The following OPA1 variants were observed in gnomAD, a reference collection of about 807,000 sequenced individuals.
The protein encoded by OPA1 is dynamin-like GTPase OPA1, mitochondrial.
OPA1 carries 59 observed loss-of-function variants against 152.9 expected under a neutral mutation model. The ratio of observed to expected loss-of-function variants is 0.39; its 90% confidence interval spans 0.31 to 0.48. The LOEUF is 0.48. Ranked by LOEUF, OPA1 falls within the 20% of genes least tolerant of loss-of-function variation. The pLI is 0.96. For synonymous variants in OPA1, 400 were observed against 389.9 expected (o/e 1.03, Z -0.31); for missense variants, 1,008 against 1,216.8 (o/e 0.83, Z 2.55).
chr3:193,667,335 A>G, intron 29 of OPA1, 55 bp downstream of exon 29: 1 of 887,524 alleles, frequency 1.1e-6, no homozygotes, highest in East Asian at 2.4e-5. Context: ...TCCCATTTCC[A>G]TTTGTTTGTT....
Position 193,655,001 on chromosome 3 carries a change from A to C in OPA1, c.2152A>C (p.Lys718Gln). Residue 718 changes from lysine to glutamine, a missense_variant, in exon 22 of 31, where the codon AAA (lysine) becomes CAA (glutamine). This residue lies in a region of OPA1 where 229 missense variants were observed against 269.0 expected (regional missense o/e 0.85). Coordinates refer to ENST00000361510, the MANE Select transcript of OPA1 (RefSeq NM_130837.3). Reference sequence around the variant, plus strand: ...TATCAAGCTTAAACAGTGGACTGATAAACAACTTCCTAATAAAGCAGTAGA... The same window carrying C: ...TATCAAGCTTAAACAGTGGACTGATCAACAACTTCCTAATAAAGCAGTAGA... ...VDIKLKQWTDKQLPNKAVEVA... is the reference protein window; with the variant it reads ...VDIKLKQWTDQQLPNKAVEVA... 6.2e-7 allele frequency: 1 copy of C among 1,613,938 alleles called. No individual in the cohort carries two copies. Among genetic ancestry groups the C allele is most frequent in the South Asian group, 1.1e-5 (1 of 91,076 alleles).
rs544490050 is a variant in OPA1 at position 193,637,182 on chromosome 3, A to AAT, written c.949-12_949-11insTA. On this transcript the variant is annotated splice_polypyrimidine_tract_variant and intron_variant, in intron 9 of 30. Transcript: ENST00000361510. ...TTACTGTTTTATATTATAACTTTTTAAAATTTTTACAGAAATCTTTGATTG... is the reference window on the plus strand; with the variant it reads ...TTACTGTTTTATATTATAACTTTTTAATAAATTTTTACAGAAATCTTTGATTG... 1.1e-4 allele frequency: 169 copies of AAT among 1,502,406 alleles called. No individual in the cohort carries two copies. The African/African-American group carries it at 2.2e-3, about 20-fold the overall frequency. The allele number at this position is 1,502,406 out of a possible 1,614,324, so 93.1% of individuals were successfully genotyped here.
At chr3:193,607,339 G>C (rs113545745) in intron 1 of OPA1, among the ~76,000 whole-genome samples, 8 of 152,206 alleles carry the variant, frequency 5.3e-5, no homozygotes, top group South Asian at 2.1e-4. Flanking sequence ...GAAGTCCTTG[G>C]CCATGCCTAT....
chr3:193,668,228 C>G, intron 29 of OPA1: 2 of 916,498 alleles, frequency 2.2e-6, no homozygotes, highest in South Asian at 3.4e-5. Flanking sequence ...AAACGGGCTT[C>G]TAGTATCCTT....
At chr3:193,672,627 G>T (rs1718177408) in intron 29 of OPA1, among the ~76,000 whole-genome samples, 1 of 152,132 alleles carries the variant, frequency 6.6e-6, no homozygotes, top group African/African-American at 2.4e-5. Context: ...CCAGCACTAT[G>T]GGAGGCCGAG....
intron 30 of OPA1, among the ~76,000 whole-genome samples, chr3:193,692,569 T>C (rs1721834205): frequency 6.6e-6 from 1 of 150,874 alleles, no homozygotes; most frequent in South Asian, 2.1e-4. Context: ...CTTATCTCTT[T>C]TGTTTAAAAA....
intron 26 of OPA1, 113 bp downstream of exon 26, chr3:193,663,075 C>T (rs901829784): frequency 2.9e-5 from 30 of 1,048,988 alleles, no homozygotes; most frequent in East Asian, 7.6e-5. Context: ...ACTTTTGTCA[C>T]GTGTACATTT....
In OPA1 at chr3:193,645,748, G is replaced by A. The variant is rs1734486146; in HGVS notation, c.1702G>A (p.Glu568Lys). ...TGKGNSSESI[E>K]AIREYEEEFF... Reference sequence around the variant, plus strand: ...CCCAGGGAACAGCTCTGAAAGCATTGAAGCTATAAGAGAATATGAAGAAGA... The same window carrying A: ...CCCAGGGAACAGCTCTGAAAGCATTAAAGCTATAAGAGAATATGAAGAAGA... Residue 568 changes from glutamate (E) to lysine (K), a missense_variant, in exon 18 of 31, where the codon GAA (glutamate) becomes AAA (lysine). Glu to Lys is a moderately conservative substitution (Grantham distance 56). Coordinates refer to ENST00000361510, the MANE Select transcript of OPA1 (RefSeq NM_130837.3). The A allele has an allele frequency of 1.2e-6, 2 of 1,613,484 alleles. No homozygotes were observed. The highest frequency in any genetic ancestry group is 8.5e-7 in the Non-Finnish European group (1 of 1,179,722).
chr3:193,640,273 T>C (rs1348639280), intron 11 of OPA1, among the ~76,000 whole-genome samples: 2 of 152,176 alleles, frequency 1.3e-5, no homozygotes, highest in African/African-American at 4.8e-5. Context: ...AACATTAAGA[T>C]GTTGAGGGAA....
At chr3:193,655,625 G>A (rs1265078723) in intron 22 of OPA1, among the ~76,000 whole-genome samples, 3 of 152,084 alleles carry the variant, frequency 2.0e-5, no homozygotes, top group Non-Finnish European at 4.4e-5. Flanking sequence ...CTATAAAATG[G>A]TGACAATAAT....
intron 22 of OPA1, among the ~76,000 whole-genome samples, 153 bp from the exon 23 acceptor site, chr3:193,656,927 A>G (rs1036585668): frequency 1.3e-5 from 2 of 152,178 alleles, no homozygotes; most frequent in Non-Finnish European, 2.9e-5. Flanking sequence ...ATCATGGTTT[A>G]TATTTGCCTT....
At chr3:193,691,343 G>A (rs1721651889) in intron 29 of OPA1, 1 of 152,238 alleles carries the variant, frequency 6.6e-6, no homozygotes, top group African/African-American at 2.4e-5. Flanking sequence ...CTACATTTCA[G>A]AGAGTATATA....
chr3:193,625,707 A>G (rs1346091674), intron 6 of OPA1, among the ~76,000 whole-genome samples: 1 of 151,936 alleles, frequency 6.6e-6, no homozygotes, highest in Non-Finnish European at 1.5e-5. Flanking sequence ...AGCTATTATG[A>G]TCTTCAATCA....
chr3:193,604,876 G>GA (rs1359545519), intron 1 of OPA1, among the ~76,000 whole-genome samples: 2 of 114,802 alleles, frequency 1.7e-5, no homozygotes, highest in African/African-American at 7.1e-5. Flanking sequence ...AAAAAAAAAA[G>GA]AAAAAAGAAA....
At chr3:193,617,395 A>C (rs981049545) in intron 4 of OPA1, 110 bp downstream of exon 4, 3 of 695,142 alleles carry the variant, frequency 4.3e-6, no homozygotes, top group Non-Finnish European at 7.5e-6. Context: ...TTTAGTACCA[A>C]TGAAAAACAG....
chr3:193,641,109 C>T (rs558528868), intron 11 of OPA1, among the ~76,000 whole-genome samples: 69 of 152,296 alleles, frequency 4.5e-4, no homozygotes, highest in Non-Finnish European at 7.6e-4. Context: ...GTTCAATAAT[C>T]AGTTGTAAAA....
chr3:193,660,009 G>A (rs112148457), intron 25 of OPA1, among the ~76,000 whole-genome samples: 5,245 of 152,210 alleles, frequency 0.034, 344 homozygotes, highest in African/African-American at 0.12. Flanking sequence ...TTAGCCAGGT[G>A]TGGTGGCGCA....
intron 1 of OPA1, among the ~76,000 whole-genome samples, chr3:193,607,822 A>G (rs897933989): frequency 6.6e-6 from 1 of 152,072 alleles, no homozygotes; most frequent in African/African-American, 2.4e-5. Flanking sequence ...CTTGATGGGG[A>G]TGGCATTGAA....
intron 27 of OPA1, among the ~76,000 whole-genome samples, chr3:193,665,799 C>G (rs1464669552): frequency 6.6e-6 from 1 of 152,024 alleles, no homozygotes; most frequent in African/African-American, 2.4e-5. Flanking sequence ...TCTATAGAAA[C>G]TTCTGTAGAA....
Sources: gnomAD v4.1 joint callset for allele counts (sites outside exome capture counted in the v4.1 genomes callset) on GRCh38, gnomAD v4.1.1 for gene constraint, gnomAD v4.1.1 regional missense constraint, MANE v1.5 for transcripts, NCBI Gene and HGNC (gene_info 2026-07-23, HGNC 2026-07-21) for gene names.